OR2AT4: variants seen among roughly 807,000 people sequenced by gnomAD.
OR2AT4 encodes olfactory receptor family 2 subfamily AT member 4.
A neutral mutation model predicts 10.3 loss-of-function variants in OR2AT4; 6 were observed. The observed-to-expected ratio is 0.58, with a 90% CI of 0.32 to 1.15. The LOEUF is 1.15. Ranked by LOEUF, OR2AT4 falls within the 50% of genes most tolerant of loss-of-function variation. The probability of loss-of-function intolerance (pLI) is 0.05; values close to 1 mark genes in which losing one functional copy is unlikely to be tolerated. For missense variants in OR2AT4, 354 were observed against 393.8 expected, an observed-to-expected ratio of 0.90 and a Z score of 0.85; for synonymous variants, 145 against 159.1, an observed-to-expected ratio of 0.91 and a Z score of 0.67.
At chr11:75,089,157 T>C (rs1465650519) in exon 2 of OR2AT4, 1 of 1,614,154 alleles carries the variant, frequency 6.2e-7, no homozygotes, top group Admixed American at 1.7e-5. Flanking sequence ...CACAGCCAGA[T>C]GATCACAGAA....
exon 2 of OR2AT4, chr11:75,082,906 C>A (rs11236317): frequency 6.6e-6 from 1 of 151,910 alleles, no homozygotes; most frequent in African/African-American, 2.4e-5. Flanking sequence ...ATAGAGAGAA[C>A]CTGTCTCTAC....
exon 2 of OR2AT4, chr11:75,088,873 C>T: frequency 2.5e-6 from 4 of 1,613,952 alleles, no homozygotes; most frequent in South Asian, 1.1e-5. Flanking sequence ...GCATATACCA[C>T]ATTGCCCATG....
At chr11:75,089,151 G>C (rs781238448) in exon 2 of OR2AT4, 6 of 1,614,134 alleles carry the variant, frequency 3.7e-6, no homozygotes, top group Non-Finnish European at 5.1e-6. Context: ...CTGGACCACA[G>C]CCAGATGATC....
chr11:75,095,802 C>T (rs1446669538), intron 1 of OR2AT4, among the ~76,000 whole-genome samples: 1 of 151,816 alleles, frequency 6.6e-6, no homozygotes, highest in African/African-American at 2.4e-5. Context: ...CTCAACCTCC[C>T]GAGTAGCTGG....
chr11:75,091,321 A>G (rs1436040174), intron 1 of OR2AT4, among the ~76,000 whole-genome samples: 2 of 152,236 alleles, frequency 1.3e-5, no homozygotes, highest in African/African-American at 2.4e-5. Flanking sequence ...AAAATACACA[A>G]TAAAAGTTGA....
At chr11:75,091,560 A>G (rs894289120) in intron 1 of OR2AT4, among the ~76,000 whole-genome samples, 1 of 152,226 alleles carries the variant, frequency 6.6e-6, no homozygotes, top group Non-Finnish European at 1.5e-5. Flanking sequence ...AACTGGACAC[A>G]ATAGAAGACA....
chr11:75,085,264 C>A (rs2140278036), exon 2 of OR2AT4: 1 of 151,826 alleles, frequency 6.6e-6, no homozygotes, highest in Middle Eastern at 3.4e-3. Flanking sequence ...AAAATTTGGA[C>A]AAAATGGACA....
At chr11:75,090,787 C>T (rs371998390) in intron 1 of OR2AT4, among the ~76,000 whole-genome samples, 44 of 151,756 alleles carry the variant, frequency 2.9e-4, no homozygotes, top group African/African-American at 1.0e-3. Context: ...CTCTAAAAGA[C>T]AAAACAAAAT....
At chr11:75,084,926 T>C (rs934350598) in exon 2 of OR2AT4, 2 of 152,078 alleles carry the variant, frequency 1.3e-5, no homozygotes, top group Non-Finnish European at 1.5e-5. Context: ...AATGCTTACA[T>C]TGAAAAATAA....
At chr11:75,088,878 C>T in exon 2 of OR2AT4, 1 of 1,613,872 alleles carries the variant, frequency 6.2e-7, no homozygotes, top group Non-Finnish European at 8.5e-7. Context: ...TACCACATTG[C>T]CCATGATATG....
At chr11:75,086,494 A>G (rs1373861532) in exon 2 of OR2AT4, 1 of 152,210 alleles carries the variant, frequency 6.6e-6, no homozygotes, top group Non-Finnish European at 1.5e-5. Context: ...TGGTATGAAA[A>G]CAAACAACCT....
At chr11:75,083,719 C>T (rs1949276597) in exon 2 of OR2AT4, 1 of 152,170 alleles carries the variant, frequency 6.6e-6, no homozygotes. Context: ...CGCCTGTAAT[C>T]CCAGCACTTT....
intron 1 of OR2AT4, chr11:75,096,355 T>C (rs1949348731): frequency 6.6e-6 from 1 of 152,220 alleles, no homozygotes; most frequent in Non-Finnish European, 1.5e-5. Flanking sequence ...TACACATCAT[T>C]ACGACGCCCA....
exon 2 of OR2AT4, chr11:75,088,512 C>T: frequency 3.0e-6 from 1 of 337,724 alleles, no homozygotes. Flanking sequence ...GAATATTTGC[C>T]TTTCCCTGTG....
chr11:75,089,131 A>G (rs759492299), exon 2 of OR2AT4: 1 of 1,614,090 alleles, frequency 6.2e-7, no homozygotes, highest in Non-Finnish European at 8.5e-7. Flanking sequence ...GTGGTGTCAG[A>G]GCAGGAGGCC....
intron 1 of OR2AT4, among the ~76,000 whole-genome samples, chr11:75,092,510 C>T (rs111627357): frequency 3.3e-5 from 5 of 152,252 alleles, no homozygotes; most frequent in Admixed American, 1.3e-4. Flanking sequence ...GCTAGTGATG[C>T]AGCTAAAGAT....
At chr11:75,084,236 C>T (rs1949279786) in exon 2 of OR2AT4, 1 of 152,090 alleles carries the variant, frequency 6.6e-6, no homozygotes, top group Admixed American at 6.5e-5. Context: ...GTAAAACTAC[C>T]TGCTGCGTAC....
chr11:75,084,178 A>T (rs910184289), exon 2 of OR2AT4: 2 of 152,178 alleles, frequency 1.3e-5, no homozygotes, highest in Non-Finnish European at 2.9e-5. Context: ...AGATGGCAAC[A>T]ATAGACACTG....
At chr11:75,086,423 T>C (rs1949291124) in exon 2 of OR2AT4, 1 of 152,186 alleles carries the variant, frequency 6.6e-6, no homozygotes, top group African/African-American at 2.4e-5. Flanking sequence ...AAACTACTTG[T>C]ATATCAAATA....
Sources: gnomAD v4.1 joint callset for allele counts (sites outside exome capture counted in the v4.1 genomes callset) on GRCh38, gnomAD v4.1.1 for gene constraint, MANE v1.5 for transcripts, NCBI Gene and HGNC (gene_info 2026-07-23, HGNC 2026-07-21) for gene names.